TADA2A: variants seen among roughly 807,000 people sequenced by gnomAD.
The protein encoded by TADA2A is transcriptional adaptor 2A.
A neutral mutation model predicts 67.4 loss-of-function variants in TADA2A; 38 were observed. The observed-to-expected ratio is 0.56, with a 90% CI of 0.44 to 0.74. The LOEUF (loss-of-function observed/expected upper bound fraction) is 0.74, where lower values mean the gene tolerates loss of function less well. Among genes scored for constraint, TADA2A ranks in the 30% least tolerant of loss-of-function variants. TADA2A has a pLI of 0.00. For synonymous variants in TADA2A, 192 were observed against 181.6 expected (o/e 1.06, Z -0.46); for missense variants, 454 against 547.0 (o/e 0.83, Z 1.70).
intron 4 of TADA2A, chr17:37,436,308 T>C (rs1651072277): frequency 6.6e-6 from 1 of 152,190 alleles, no homozygotes; most frequent in African/African-American, 2.4e-5. Flanking sequence ...GCCTTCAAAT[T>C]GATTTCTGAG....
intron 5 of TADA2A, among the ~76,000 whole-genome samples, chr17:37,438,453 A>G (rs1300509065): frequency 6.6e-6 from 1 of 152,208 alleles, no homozygotes; most frequent in East Asian, 1.9e-4. Context: ...TATTTTGTTC[A>G]CAAATTATCT....
At chr17:37,471,284 C>G in intron 14 of TADA2A, 147 bp downstream of exon 14, 1 of 772,852 alleles carries the variant, frequency 1.3e-6, no homozygotes, top group Non-Finnish European at 2.2e-6. Context: ...ATATAAACAT[C>G]AGTATGTTTT....
At chr17:37,441,015 A>T (rs1021869405) in intron 6 of TADA2A, among the ~76,000 whole-genome samples, 1 of 152,058 alleles carries the variant, frequency 6.6e-6, no homozygotes, top group Non-Finnish European at 1.5e-5. Flanking sequence ...GAATCACTTG[A>T]ACCGGGTAGG....
chr17:37,469,576 T>G (rs2053741699), intron 12 of TADA2A, among the ~76,000 whole-genome samples: 2 of 152,072 alleles, frequency 1.3e-5, no homozygotes. Context: ...GAGGTTGCTG[T>G]GAGCCGAGAT....
Position 37,427,029 on chromosome 17 carries a change from G to C in TADA2A, c.192+20G>C. ...ATAATGGTAATGATGAAGTTGCTGG[G>C]AATTTCTGTTCACTTTTTTTAAGAA... On this transcript the variant is annotated intron_variant, in intron 4 of 15. Coordinates refer to ENST00000615182, the MANE Select transcript of TADA2A (RefSeq NM_001166105.3). The C allele has an allele frequency of 6.4e-7, 1 of 1,558,280 alleles. No homozygotes were observed. Among genetic ancestry groups the C allele is most frequent in the Non-Finnish European group, 8.7e-7 (1 of 1,151,570 alleles).
intron 3 of TADA2A, among the ~76,000 whole-genome samples, chr17:37,425,427 A>G (rs1049012704): frequency 2.0e-5 from 3 of 152,172 alleles, no homozygotes; most frequent in Admixed American, 6.5e-5. Flanking sequence ...CTGTAATCCT[A>G]TGAAGTACCT....
intron 8 of TADA2A, among the ~76,000 whole-genome samples, chr17:37,457,992 T>C (rs1300552295): frequency 6.6e-6 from 1 of 152,206 alleles, no homozygotes; most frequent in Non-Finnish European, 1.5e-5. Context: ...ACTTGTATCA[T>C]AGGGTTTGTT....
intron 8 of TADA2A, among the ~76,000 whole-genome samples, chr17:37,458,308 A>G (rs567974443): frequency 1.3e-5 from 2 of 152,350 alleles, no homozygotes; most frequent in African/African-American, 4.8e-5. Context: ...GAGTAATGCC[A>G]TAAGATATAT....
intron 4 of TADA2A, among the ~76,000 whole-genome samples, chr17:37,435,564 A>G (rs766099469): frequency 1.3e-5 from 2 of 151,990 alleles, no homozygotes; most frequent in Non-Finnish European, 2.9e-5. Context: ...CTGGGATTAC[A>G]GGCATGAGCC....
In TADA2A at chr17:37,411,174, A is replaced by G. The variant is rs2051854507; in HGVS notation, c.-97-95A>G. On this transcript the variant is annotated intron_variant, in intron 1 of 15. Coordinates refer to ENST00000615182, the MANE Select transcript of TADA2A (RefSeq NM_001166105.3). Reference sequence around the variant, plus strand: ...AATAATTTTTCAACATTACAAAGCTAAGATGTGGCAGAGCTGAGTATGTTG... The same window carrying G: ...AATAATTTTTCAACATTACAAAGCTGAGATGTGGCAGAGCTGAGTATGTTG... 1.1e-5 allele frequency: 7 copies of G among 610,856 alleles called. No individual in the cohort carries two copies. The South Asian group carries it at 1.3e-4, about 11-fold the overall frequency. 37.8% of individuals were successfully genotyped at this position (610,856 alleles called of 1,614,324 possible). A position where few individuals can be genotyped will look rare whatever the true frequency, so the allele number is the denominator to read the frequency against.
chr17:37,448,174 CT>C (rs1277394437), intron 8 of TADA2A, among the ~76,000 whole-genome samples: 2 of 152,136 alleles, frequency 1.3e-5, no homozygotes. Context: ...GACTGTTTGG[CT>C]GGGTTTTGTA....
intron 5 of TADA2A, among the ~76,000 whole-genome samples, chr17:37,439,899 CAGTCATCTTTATTTATTTATTTATTT>C (rs2052846062): frequency 6.7e-6 from 1 of 148,310 alleles, no homozygotes; most frequent in South Asian, 2.1e-4. Flanking sequence ...ACAAATTTTC[CAGTCATCTTTATTTATTTATTTATTT>C]ATTTATTTAT....
chr17:37,422,870 AT>A (rs2052288147), intron 2 of TADA2A, among the ~76,000 whole-genome samples: 1 of 152,116 alleles, frequency 6.6e-6, no homozygotes, highest in Non-Finnish European at 1.5e-5. Flanking sequence ...TTTTCTTTAT[AT>A]TGTATGTGCA....
At chr17:37,454,453 T>C (rs1186333303) in intron 8 of TADA2A, among the ~76,000 whole-genome samples, 1 of 151,844 alleles carries the variant, frequency 6.6e-6, no homozygotes, top group African/African-American at 2.4e-5. Context: ...TGCTACCACA[T>C]CCGGCTAATT....
intron 2 of TADA2A, among the ~76,000 whole-genome samples, chr17:37,418,937 C>T (rs1222822670): frequency 7.2e-6 from 1 of 139,084 alleles, no homozygotes; most frequent in African/African-American, 2.6e-5. Flanking sequence ...TGCAGTATTG[C>T]CCAGGGTGGT....
At chr17:37,443,492 A>G (rs1456379623) in intron 7 of TADA2A, among the ~76,000 whole-genome samples, 1 of 152,078 alleles carries the variant, frequency 6.6e-6, no homozygotes, top group Non-Finnish European at 1.5e-5. Context: ...GACCTCAGGC[A>G]ATCCACCAGC....
Position 37,418,100 on chromosome 17 carries a change from C to T in TADA2A, c.26-5409C>T, listed in dbSNP as rs371271709. Among the ~76,000 whole-genome samples the T allele has an allele frequency of 6.6e-5, 10 of 152,252 alleles. No homozygotes were observed. The South Asian group carries it at 1.0e-3, about 16-fold the overall frequency. ...AACACCACAAGCTAGAATAACTAAA[C>T]GTTCTGAACAAAACAAAATACATTC... On this transcript the variant is annotated intron_variant, in intron 2 of 15. Coordinates refer to ENST00000615182, the MANE Select transcript of TADA2A (RefSeq NM_001166105.3).
chr17:37,430,575 C>G (rs1449347231), intron 4 of TADA2A, among the ~76,000 whole-genome samples: 2 of 152,106 alleles, frequency 1.3e-5, no homozygotes, highest in African/African-American at 4.8e-5. Flanking sequence ...TCTGCCACAC[C>G]CTTTTATACC....
chr17:37,458,671 G>GTGTC (rs1274023332), intron 9 of TADA2A, 84 bp downstream of exon 9: 2 of 894,638 alleles, frequency 2.2e-6, no homozygotes, highest in Non-Finnish European at 3.2e-6. Flanking sequence ...GTGTGTGTGT[G>GTGTC]TGTCTGTGTC....
Sources: allele counts gnomAD v4.1 joint callset (sites outside exome capture counted in the v4.1 genomes callset), GRCh38; gene constraint gnomAD v4.1.1; transcripts MANE v1.5; gene names NCBI Gene and HGNC (gene_info 2026-07-23, HGNC 2026-07-21).